The following RNMT variants were observed in gnomAD, a reference collection of about 807,000 sequenced individuals.
RNMT encodes the protein RNA guanine-7 methyltransferase.
RNMT carries 27 observed loss-of-function variants against 56.0 expected under a neutral mutation model. The observed-to-expected ratio is 0.48, with a 90% CI of 0.36 to 0.67. The LOEUF (loss-of-function observed/expected upper bound fraction) is 0.67. Among genes scored for constraint, RNMT ranks in the 30% least tolerant of loss-of-function variants. The probability of loss-of-function intolerance (pLI) is 0.00; values close to 1 mark genes in which losing one functional copy is unlikely to be tolerated. For missense variants in RNMT, 519 were observed against 552.1 expected (o/e 0.94, Z 0.60); for synonymous variants, 184 against 176.2 (o/e 1.04, Z -0.35).
Position 13,761,016 on chromosome 18 carries a change from A to G in RNMT, c.*1037A>G, listed in dbSNP as rs898988595. 2.1e-5 allele frequency: 21 copies of G among 985,228 alleles called. No individual in the cohort carries two copies. Among genetic ancestry groups the G allele is most frequent in the South Asian group, 4.7e-5 (1 of 21,292 alleles). The allele number at this position is 985,228 out of a possible 1,614,324, so 61.0% of individuals were successfully genotyped here. Reference sequence around the variant, plus strand: ...AAAACTTACCAGTTTTTAGATGTAGATGTAGTGAAAAACTTCAAGAATGAA... The same window carrying G: ...AAAACTTACCAGTTTTTAGATGTAGGTGTAGTGAAAAACTTCAAGAATGAA... On this transcript the variant is annotated 3_prime_UTR_variant, in exon 12 of 12. Coordinates refer to ENST00000383314, the MANE Select transcript of RNMT (RefSeq NM_003799.3).
At position 13,743,330 on chromosome 18, in the gene RNMT, AAATAAATAAATAAAT is replaced by A. The variant is rs1305101918; in HGVS notation, c.1139+681_1139+695del. On this transcript the variant is annotated intron_variant, in intron 8 of 11. Coordinates refer to ENST00000383314, the MANE Select transcript of RNMT (RefSeq NM_003799.3). ...AGAGCGAAACTCCGTCTCAAAAAAA[AAATAAATAAATAAAT>A]AAATAAATAAATAAATAAATAAATA... Among the ~76,000 whole-genome samples, 3 of 17,322 alleles carry A rather than the reference AAATAAATAAATAAAT, an allele frequency of 1.7e-4. 1 individual carries two copies. The highest frequency in any genetic ancestry group is 5.2e-4 in the African/African-American group (3 of 5,780). 11.4% of individuals were successfully genotyped at this position (17,322 alleles called of 152,430 possible).
chr18:13,734,428 G>A (rs1006726803), intron 3 of RNMT, 36 bp from the exon 4 acceptor site: 3 of 1,577,856 alleles, frequency 1.9e-6, no homozygotes, highest in Non-Finnish European at 2.6e-6. Context: ...ACCATGTTCT[G>A]ATCCTTGATT....
At chr18:13,751,689 T>G (rs2044450318) in intron 9 of RNMT, among the ~76,000 whole-genome samples, 1 of 151,988 alleles carries the variant, frequency 6.6e-6, no homozygotes, top group Admixed American at 6.5e-5. Context: ...GCAGCACTGA[T>G]TCACAGTAGC....
At chr18:13,742,844 C>T (rs978504163) in intron 8 of RNMT, 192 bp downstream of exon 8, 4 of 433,044 alleles carry the variant, frequency 9.2e-6, no homozygotes, top group East Asian at 4.2e-5. Context: ...GGATTATTGC[C>T]ATAGGTCTCA....
At chr18:13,733,329 A>G (rs565939012) in intron 3 of RNMT, among the ~76,000 whole-genome samples, 40 of 152,264 alleles carry the variant, frequency 2.6e-4, no homozygotes, top group Non-Finnish European at 5.1e-4. Context: ...TAACATATAT[A>G]ATAGCATTAT....
intron 9 of RNMT, 141 bp from the exon 10 acceptor site, chr18:13,752,185 T>A (rs1328449885): frequency 3.4e-6 from 2 of 585,894 alleles, no homozygotes; most frequent in Non-Finnish European, 6.0e-6. Context: ...TTTCTGTATT[T>A]CAAAAGTATG....
intron 9 of RNMT, among the ~76,000 whole-genome samples, chr18:13,750,567 A>T (rs1230659323): frequency 6.6e-6 from 1 of 152,090 alleles, no homozygotes; most frequent in Non-Finnish European, 1.5e-5. Context: ...TGGGAGGCTG[A>T]GGTAGGAGAA....
rs1296359 is a variant in RNMT, at chr18:13,763,654, G to A, written c.*3675G>A. 0.89 allele frequency: 136,323 copies of A among 153,134 alleles called. 60,760 individuals carry two copies. The highest frequency in any genetic ancestry group is 0.97 in the East Asian group (5,075 of 5,208). 9.5% of individuals were successfully genotyped at this position (153,134 alleles called of 1,614,324 possible). On this transcript the variant is annotated 3_prime_UTR_variant, in exon 12 of 12. Coordinates refer to ENST00000383314, the MANE Select transcript of RNMT (RefSeq NM_003799.3). Reference sequence around the variant, plus strand: ...TTGATTGTTATAACATCTCAGCACCGTTATTCCCATTTTAATGATGAGGAA... The same window carrying A: ...TTGATTGTTATAACATCTCAGCACCATTATTCCCATTTTAATGATGAGGAA...
At chr18:13,754,035 C>A in intron 10 of RNMT, 79 bp from the exon 11 acceptor site, 2 of 771,502 alleles carry the variant, frequency 2.6e-6, no homozygotes, top group East Asian at 5.3e-5. Flanking sequence ...TTGGCCATCT[C>A]TGCCCATTAT....
rs1183512144 is a variant in RNMT at position 13,752,350 on chromosome 18, A to G, written c.1282A>G (p.Lys428Glu). The change falls in exon 10 of 12, where the codon AAA (lysine) becomes GAA (glutamate). Residue 428 changes from lysine to glutamate, a missense_variant. By Grantham distance (56) the Lys-to-Glu change is moderately conservative. Transcript: ENST00000383314. Reference protein sequence around the residue: ...LEPYPANESSKLVSEKVDDYE... With the variant: ...LEPYPANESSELVSEKVDDYE... ...GCCATATCCTGCAAATGAGAGTTCT[A>G]AACTTGTCTCTGAGAAGGTGGATGA... 1 of 1,612,650 alleles carries G rather than the reference A, an allele frequency of 6.2e-7. No homozygotes were observed.
At chr18:13,746,368 A>C (rs1237267299) in intron 9 of RNMT, 31 bp downstream of exon 9, 1 of 1,244,212 alleles carries the variant, frequency 8.0e-7, no homozygotes, top group Admixed American at 2.0e-5. Flanking sequence ...TACAAATTTC[A>C]GTCATGGTGA....
In RNMT at chr18:13,741,687, T is replaced by C. The variant is rs778410891; in HGVS notation, c.970T>C (p.Leu324=). 2 of 1,592,668 alleles carry C rather than the reference T, an allele frequency of 1.3e-6. No individual in the cohort carries two copies. Among genetic ancestry groups the C allele is most frequent in the Admixed American group, 1.7e-5 (1 of 57,232 alleles). The stretch of plus-strand genomic sequence containing the variant: ...TGGTACTACTCCCAATAGCTTTGAA[T>C]TGATGTAAGTACTTCTAAATATATT... ...FIGTTPNSFE[L]IRRLEASETE... The change falls in exon 7 of 12, where the codon TTG becomes CTG. Residue 324 remains leucine (L), a synonymous_variant. Coordinates refer to ENST00000383314, the MANE Select transcript of RNMT (RefSeq NM_003799.3).
intron 1 of RNMT, among the ~76,000 whole-genome samples, chr18:13,729,848 G>A (rs2044037697): frequency 6.6e-6 from 1 of 151,516 alleles, no homozygotes. Flanking sequence ...TGTCTAGGCT[G>A]GAGTACAGTG....
At chr18:13,758,106 A>G (rs1043789054) in intron 11 of RNMT, among the ~76,000 whole-genome samples, 1 of 152,210 alleles carries the variant, frequency 6.6e-6, no homozygotes, top group African/African-American at 2.4e-5. Context: ...ATGTGAACAG[A>G]TATGCTGTCA....
intron 8 of RNMT, 70 bp from the exon 9 acceptor site, chr18:13,746,149 GC>G: frequency 1.3e-6 from 1 of 766,064 alleles, no homozygotes; most frequent in East Asian, 2.5e-5. Context: ...AGATGTCATT[GC>G]TGTACAAAAG....
chr18:13,752,191 G>A (rs2044460687), intron 9 of RNMT, 135 bp from the exon 10 acceptor site: 3 of 599,724 alleles, frequency 5.0e-6, no homozygotes, highest in Non-Finnish European at 2.9e-6. Context: ...TATTTCAAAA[G>A]TATGTATAGT....
chr18:13,750,092 A>C (rs1430035979), intron 9 of RNMT, among the ~76,000 whole-genome samples: 1 of 152,158 alleles, frequency 6.6e-6, no homozygotes. Context: ...AAATGCAGAT[A>C]CTATAAAGGG....
chr18:13,746,625 G>A (rs2044356534), intron 9 of RNMT, among the ~76,000 whole-genome samples: 1 of 152,148 alleles, frequency 6.6e-6, no homozygotes, highest in South Asian at 2.1e-4. Context: ...GCCTTGCTGT[G>A]GGATGCTGTG....
chr18:13,748,448 G>A (rs79105275), intron 9 of RNMT, among the ~76,000 whole-genome samples: 63 of 152,342 alleles, frequency 4.1e-4, no homozygotes, highest in African/African-American at 1.4e-3. Flanking sequence ...ATGGGGGATG[G>A]TTTGGAGGGA....
Sources: gnomAD v4.1 joint callset for allele counts (sites outside exome capture counted in the v4.1 genomes callset) on GRCh38, gnomAD v4.1.1 for gene constraint, MANE v1.5 for transcripts, NCBI Gene and HGNC (gene_info 2026-07-23, HGNC 2026-07-21) for gene names.